GLIS3: variants seen among roughly 807,000 people sequenced by gnomAD.
The protein encoded by GLIS3 is GLIS family zinc finger 3.
A neutral mutation model predicts 78.6 loss-of-function variants in GLIS3; 53 were observed. That is an observed-to-expected ratio of 0.67 (90% CI 0.54 to 0.85). The LOEUF (loss-of-function observed/expected upper bound fraction) is 0.85, where lower values mean the gene tolerates loss of function less well. GLIS3 is among the 40% of genes least tolerant of loss of function. The pLI, the probability that GLIS3 is intolerant of heterozygous loss-of-function variation, is 0.00. For missense variants in GLIS3, 1,703 were observed against 1,231.1 expected (o/e 1.38, Z -5.74); for synonymous variants, 684 against 509.9 (o/e 1.34, Z -4.60).
intron 6 of GLIS3, among the ~76,000 whole-genome samples, chr9:3,902,136 T>TGTGA (rs755960443): frequency 1.6e-4 from 24 of 152,236 alleles, no homozygotes; most frequent in Non-Finnish European, 3.4e-4. Flanking sequence ...TTTCCAACAG[T>TGTGA]GTGAGTCCAT....
At chr9:4,096,960 C>T (rs995209680) in intron 4 of GLIS3, among the ~76,000 whole-genome samples, 10 of 152,040 alleles carry the variant, frequency 6.6e-5, no homozygotes, top group African/African-American at 9.7e-5. Flanking sequence ...GGCAGTGAGC[C>T]GAGATCGTGC....
chr9:4,447,904 TTTTAAA>T, the GLIS3 span, among the ~76,000 whole-genome samples: 2 of 152,308 alleles, frequency 1.3e-5, no homozygotes, highest in African/African-American at 4.8e-5. Flanking sequence ...TTTCTGTCCT[TTTTAAA>T]TTTATTTCTA....
At chr9:4,144,528 C>G (rs894611322) in intron 2 of GLIS3, among the ~76,000 whole-genome samples, 6 of 152,112 alleles carry the variant, frequency 3.9e-5, no homozygotes, top group Admixed American at 3.9e-4. Context: ...TAAGCATGAG[C>G]TCATTGGACT....
At chr9:4,034,932 C>T (rs1824180308) in intron 4 of GLIS3, 1 of 152,164 alleles carries the variant, frequency 6.6e-6, no homozygotes, top group Non-Finnish European at 1.5e-5. Context: ...ACTTCATATT[C>T]TCTTGTAGTA....
chr9:4,479,543 C>A, the GLIS3 span, among the ~76,000 whole-genome samples: 1 of 152,140 alleles, frequency 6.6e-6, no homozygotes, highest in East Asian at 1.9e-4. Context: ...CAGAGGTTCC[C>A]TAGACTCTAA....
chr9:4,330,635 G>C (rs1199015673), intron 2 of GLIS3, among the ~76,000 whole-genome samples: 1 of 151,912 alleles, frequency 6.6e-6, no homozygotes, highest in Non-Finnish European at 1.5e-5. Context: ...GGATGGAGAT[G>C]AGGAGAGGTG....
the GLIS3 span, among the ~76,000 whole-genome samples, chr9:4,456,449 T>C: frequency 6.6e-6 from 1 of 152,222 alleles, no homozygotes; most frequent in Admixed American, 6.5e-5. Flanking sequence ...TTGTGACTGA[T>C]TTGATCATCT....
chr9:3,935,127 T>C (rs1025004845), intron 5 of GLIS3, among the ~76,000 whole-genome samples: 2 of 152,142 alleles, frequency 1.3e-5, no homozygotes, highest in African/African-American at 2.4e-5. Flanking sequence ...TATTATAGTA[T>C]AAGGAGTGAT....
chr9:4,250,376 C>T (rs1461517055), intron 2 of GLIS3, among the ~76,000 whole-genome samples: 1 of 152,148 alleles, frequency 6.6e-6, no homozygotes, highest in East Asian at 1.9e-4. Flanking sequence ...TTATCCATTT[C>T]TTCTAGATTT....
At position 4,279,158 on chromosome 9, in the gene GLIS3, G is replaced by T. The variant is rs186890279; in HGVS notation, c.388+6880C>A. On this transcript the variant is annotated intron_variant, in intron 2 of 10. Transcript: ENST00000381971. Reference sequence around the variant, plus strand: ...CTAATAAAAATACAAAAGTTTCCGGGCGTGGTGGCAGGCACCTGTAATCCC... The same window carrying T: ...CTAATAAAAATACAAAAGTTTCCGGTCGTGGTGGCAGGCACCTGTAATCCC... Among the ~76,000 whole-genome samples the T allele has an allele frequency of 7.3e-5, 11 of 151,636 alleles. 2 individuals are homozygous for T. In the East Asian group the frequency reaches 2.1e-3, roughly 29 times the overall value.
In GLIS3 at chr9:4,118,217, C is replaced by G; in HGVS notation, c.1261G>C (p.Asp421His). 6.3e-7 allele frequency: 1 copy of G among 1,583,298 alleles called. No homozygotes were observed. ...TTGAACAGGCCGGCCGACTGGCTGT[C>G]GGGGCCCGGCAGGCCATGCTGCACC... is the stretch of plus-strand genomic sequence containing the variant. ...MVVQHGLPGP[D>H]SQSAGLFKTE... is the part of the protein sequence containing the mutation. The change falls in exon 4 of 11, where the codon GAC (aspartate) becomes CAC (histidine). Residue 421 changes from aspartate (D) to histidine (H), a missense_variant. Asp to His is a moderately conservative substitution (Grantham distance 81). Coordinates refer to ENST00000381971, the MANE Select transcript of GLIS3 (RefSeq NM_001042413.2). This position sits in a 1 kb window ranked among gnomAD's most constrained non-coding sequence, Gnocchi z 4.7.
chr9:4,032,432 G>C (rs78970042), intron 4 of GLIS3, among the ~76,000 whole-genome samples: 2 of 151,952 alleles, frequency 1.3e-5, no homozygotes, highest in African/African-American at 4.8e-5. Flanking sequence ...CTTCTGCATA[G>C]AATGCTTTTT....
At chr9:4,083,655 T>A (rs1041570863) in intron 4 of GLIS3, among the ~76,000 whole-genome samples, 1 of 152,208 alleles carries the variant, frequency 6.6e-6, no homozygotes, top group Non-Finnish European at 1.5e-5. Flanking sequence ...ACTGAAGATG[T>A]GTATGACAAT....
rs559959508 is a variant in GLIS3, at chr9:4,251,335, G to C, written c.388+34703C>G. The stretch of plus-strand genomic sequence containing the variant: ...TTTAGGATAGTTTACTCTACTTGTT[G>C]TGTTAATCGCTTTACCATTATGTAA... On this transcript the variant is annotated intron_variant, in intron 2 of 10. Coordinates refer to ENST00000381971, the MANE Select transcript of GLIS3 (RefSeq NM_001042413.2). Among the ~76,000 whole-genome samples the C allele has an allele frequency of 2.0e-5, 3 of 151,780 alleles. No individual in the cohort carries two copies. In the South Asian group the frequency reaches 6.2e-4, roughly 32 times the overall value.
At chr9:4,269,481 A>T (rs141453695) in intron 2 of GLIS3, among the ~76,000 whole-genome samples, 2 of 152,338 alleles carry the variant, frequency 1.3e-5, no homozygotes, top group South Asian at 2.1e-4. Flanking sequence ...GTCCAACGTT[A>T]TATCAGTTAT....
At chr9:3,960,092 G>A (rs1439349329) in intron 4 of GLIS3, among the ~76,000 whole-genome samples, 2 of 152,154 alleles carry the variant, frequency 1.3e-5, no homozygotes, top group East Asian at 3.9e-4. Flanking sequence ...AGCCGAGATG[G>A]AGCCACTGCA....
At chr9:4,237,977 C>T (rs2129645185) in intron 2 of GLIS3, among the ~76,000 whole-genome samples, 1 of 152,290 alleles carries the variant, frequency 6.6e-6, no homozygotes, top group South Asian at 2.1e-4. Context: ...TCCCTTTGAG[C>T]AGGGACTGTC....
At chr9:3,876,176 A>G (rs1588134937) in intron 8 of GLIS3, among the ~76,000 whole-genome samples, 3 of 152,336 alleles carry the variant, frequency 2.0e-5, no homozygotes, top group South Asian at 2.1e-4. Flanking sequence ...GGATAAAACA[A>G]TTACACAAAT....
At chr9:4,332,579 A>G (rs901541184) in intron 2 of GLIS3, among the ~76,000 whole-genome samples, 3 of 152,266 alleles carry the variant, frequency 2.0e-5, no homozygotes, top group African/African-American at 7.2e-5. Context: ...TGAAGACAGC[A>G]GAGCAGACCA....
Sources: gnomAD v4.1 joint callset for allele counts (sites outside exome capture counted in the v4.1 genomes callset) on GRCh38, gnomAD v4.1.1 for gene constraint, Gnocchi (gnomAD v3.1) non-coding constraint, MANE v1.5 for transcripts, NCBI Gene and HGNC (gene_info 2026-07-23, HGNC 2026-07-21) for gene names.